ZRANB3: variants seen among roughly 807,000 people sequenced by gnomAD.
The protein encoded by ZRANB3 is zinc finger RANBP2-type containing 3.
ZRANB3 carries 125 observed loss-of-function variants against 133.8 expected under a neutral mutation model. The observed-to-expected ratio is 0.93, with a 90% confidence interval of 0.81 to 1.08. The LOEUF is 1.08. ZRANB3 is among the 50% of genes least tolerant of loss of function. The probability of loss-of-function intolerance (pLI) is 0.00; values close to 1 mark genes in which losing one functional copy is unlikely to be tolerated. For missense variants in ZRANB3, 1,229 were observed against 1,275.5 expected (o/e 0.96, Z 0.56); for synonymous variants, 387 against 432.7 (o/e 0.89, Z 1.31).
chr2:135,296,171 G>A (rs1012358693), intron 8 of ZRANB3, among the ~76,000 whole-genome samples: 1 of 152,196 alleles, frequency 6.6e-6, no homozygotes, highest in African/African-American at 2.4e-5. Flanking sequence ...CCTGCAGAGT[G>A]TTTTCCAACT....
intron 2 of ZRANB3, among the ~76,000 whole-genome samples, chr2:135,459,942 A>AT (rs138345872): frequency 0.077 from 11,750 of 152,098 alleles, 1,503 homozygotes; most frequent in African/African-American, 0.27. Context: ...GTTCTGAAGT[A>AT]TTTTTTTCCT....
chr2:135,429,036 A>G (rs1689210313), intron 2 of ZRANB3, among the ~76,000 whole-genome samples: 1 of 152,248 alleles, frequency 6.6e-6, no homozygotes, highest in African/African-American at 2.4e-5. Flanking sequence ...ATTACTGGGT[A>G]TATATCTAAA....
chr2:135,456,964 T>G (rs1010308415), intron 2 of ZRANB3, among the ~76,000 whole-genome samples: 2 of 152,230 alleles, frequency 1.3e-5, no homozygotes, highest in Non-Finnish European at 2.9e-5. Context: ...ATAATTCACT[T>G]GCCCTGAAAT....
intron 19 of ZRANB3, among the ~76,000 whole-genome samples, chr2:135,204,768 T>A (rs1374412998): frequency 7.3e-6 from 1 of 137,376 alleles, no homozygotes; most frequent in Non-Finnish European, 1.5e-5. Flanking sequence ...ATATATATAT[T>A]ATATATACTT....
intron 3 of ZRANB3, among the ~76,000 whole-genome samples, chr2:135,353,838 A>T (rs997384268): frequency 6.6e-6 from 1 of 151,762 alleles, no homozygotes; most frequent in Non-Finnish European, 1.5e-5. Flanking sequence ...CTGTCTCTAT[A>T]AAAAAACGTA....
At chr2:135,466,471 G>C (rs1369553617) in intron 2 of ZRANB3, among the ~76,000 whole-genome samples, 1 of 151,412 alleles carries the variant, frequency 6.6e-6, no homozygotes, top group Non-Finnish European at 1.5e-5. Context: ...GAGAGGCGAG[G>C]ATCATGTTTA....
intron 8 of ZRANB3, among the ~76,000 whole-genome samples, chr2:135,297,099 A>C (rs1455474947): frequency 6.6e-6 from 1 of 152,156 alleles, no homozygotes; most frequent in Non-Finnish European, 1.5e-5. Context: ...TACTCTCTTC[A>C]AAGCTGTCAG....
At chr2:135,477,955 C>T (rs1691574286) in intron 2 of ZRANB3, among the ~76,000 whole-genome samples, 1 of 152,006 alleles carries the variant, frequency 6.6e-6, no homozygotes, top group South Asian at 2.1e-4. Context: ...TGCCACCACA[C>T]TCCAATCTGA....
chr2:135,470,809 T>C (rs1691229734), intron 2 of ZRANB3, among the ~76,000 whole-genome samples: 1 of 150,868 alleles, frequency 6.6e-6, no homozygotes, highest in African/African-American at 2.4e-5. Context: ...TCTTTCTTTT[T>C]TTTTTTTTTT....
intron 2 of ZRANB3, among the ~76,000 whole-genome samples, chr2:135,441,766 A>G (rs1459519510): frequency 6.6e-6 from 1 of 152,126 alleles, no homozygotes; most frequent in Non-Finnish European, 1.5e-5. Flanking sequence ...AATATGTATT[A>G]TAATTCCTAG....
At chr2:135,383,223 C>T (rs1307766023) in intron 3 of ZRANB3, among the ~76,000 whole-genome samples, 2 of 151,936 alleles carry the variant, frequency 1.3e-5, no homozygotes, top group African/African-American at 4.8e-5. Context: ...AGACTTTAAA[C>T]CAACAAAGAT....
chr2:135,411,303 T>A (rs1364744571), intron 2 of ZRANB3, among the ~76,000 whole-genome samples: 1 of 152,050 alleles, frequency 6.6e-6, no homozygotes, highest in Non-Finnish European at 1.5e-5. Context: ...ACTTATACAC[T>A]GCTGAGGGGG....
At chr2:135,349,811 T>C (rs1383001549) in intron 5 of ZRANB3, among the ~76,000 whole-genome samples, 173 bp downstream of exon 5, 1 of 152,184 alleles carries the variant, frequency 6.6e-6, no homozygotes, top group Non-Finnish European at 1.5e-5. Flanking sequence ...TAAATGTAAA[T>C]ATATTAAAAT....
chr2:135,382,135 G>T lies in ZRANB3; in HGVS notation c.180+8667C>A, dbSNP rs572685694. ...AGGGCTAACTAGAATAACCAATGCAGAGAAGTCCTTAAAGGACCTGATGGA... is the reference window on the plus strand; with the variant it reads ...AGGGCTAACTAGAATAACCAATGCATAGAAGTCCTTAAAGGACCTGATGGA... On this transcript the variant is annotated intron_variant, in intron 3 of 20. Transcript: ENST00000264159. 5.3e-5 allele frequency among the ~76,000 whole-genome samples: 8 copies of T among 152,306 alleles called. No homozygotes were observed. The East Asian group carries it at 1.3e-3, about 26-fold the overall frequency.
intron 2 of ZRANB3, among the ~76,000 whole-genome samples, chr2:135,412,576 G>T (rs1315104491): frequency 6.6e-6 from 1 of 151,880 alleles, no homozygotes; most frequent in Non-Finnish European, 1.5e-5. Flanking sequence ...GTTCCTGCAG[G>T]CATAATCAAG....
At chr2:135,444,212 T>C (rs1026617299) in intron 2 of ZRANB3, among the ~76,000 whole-genome samples, 4 of 152,102 alleles carry the variant, frequency 2.6e-5, no homozygotes, top group African/African-American at 9.7e-5. Context: ...CTACTTGGCA[T>C]TGTCTTAGGA....
chr2:135,364,999 A>G (rs779667069), intron 3 of ZRANB3, among the ~76,000 whole-genome samples: 6 of 152,070 alleles, frequency 3.9e-5, no homozygotes, highest in Non-Finnish European at 7.4e-5. Flanking sequence ...CAGTGAACAG[A>G]GATGGTGCCA....
chr2:135,471,669 TAA>T (rs1310426125), intron 2 of ZRANB3, among the ~76,000 whole-genome samples: 4 of 152,202 alleles, frequency 2.6e-5, no homozygotes, highest in Non-Finnish European at 5.9e-5. Flanking sequence ...CCATGGCTAC[TAA>T]AGATAAGTAA....
intron 5 of ZRANB3, among the ~76,000 whole-genome samples, chr2:135,348,162 G>A (rs1685031702): frequency 6.6e-6 from 1 of 151,970 alleles, no homozygotes; most frequent in Non-Finnish European, 1.5e-5. Flanking sequence ...GGGAGGCTGA[G>A]GCAGAAGAAT....
Sources: allele counts gnomAD v4.1 joint callset (sites outside exome capture counted in the v4.1 genomes callset), GRCh38; gene constraint gnomAD v4.1.1; transcripts MANE v1.5; gene names NCBI Gene and HGNC (gene_info 2026-07-23, HGNC 2026-07-21).